Variants in MBTD1 observed in about 807,000 individuals in gnomAD.
MBTD1 encodes the protein mbt domain containing 1.
MBTD1 carries 24 observed loss-of-function variants against 87.8 expected under a neutral mutation model. The observed-to-expected ratio is 0.27, with a 90% CI of 0.20 to 0.38. MBTD1 has a LOEUF of 0.38. MBTD1 is among the 10% of genes least tolerant of loss of function. MBTD1 has a pLI of 1.00. For missense variants in MBTD1, 436 were observed against 760.2 expected, an observed-to-expected ratio of 0.57 and a Z score of 5.02; for synonymous variants, 237 against 248.6, an observed-to-expected ratio of 0.95 and a Z score of 0.44.
At chr17:51,248,758 G>C (rs2054600802) in intron 2 of MBTD1, among the ~76,000 whole-genome samples, 1 of 152,118 alleles carries the variant, frequency 6.6e-6, no homozygotes, top group Non-Finnish European at 1.5e-5. Flanking sequence ...TCTTCATCCA[G>C]ATTTTACTAT....
upstream of MBTD1, chr17:51,260,842 C>G (rs539338182): frequency 2.5e-6 from 4 of 1,599,772 alleles, no homozygotes; most frequent in African/African-American, 4.0e-5. Context: ...ACAAACCGGC[C>G]GTGGAGCGGT....
intron 12 of MBTD1, among the ~76,000 whole-genome samples, chr17:51,197,376 A>AG (rs1484534074): frequency 2.6e-5 from 4 of 151,556 alleles, no homozygotes; most frequent in African/African-American, 9.7e-5. Context: ...ATTCCTTCAT[A>AG]GTTTTACTTG....
chr17:51,247,493 C>T (rs2054516661), intron 2 of MBTD1, among the ~76,000 whole-genome samples: 1 of 148,664 alleles, frequency 6.7e-6, no homozygotes, highest in African/African-American at 2.5e-5. Flanking sequence ...ATCGTTCAGC[C>T]TGGAGTGCAG....
intron 10 of MBTD1, among the ~76,000 whole-genome samples, 181 bp from the exon 11 acceptor site, chr17:51,202,258 T>C (rs1055600253): frequency 1.3e-5 from 2 of 152,224 alleles, no homozygotes; most frequent in African/African-American, 2.4e-5. Flanking sequence ...TACATGTGCA[T>C]ATATGCTTTT....
intron 2 of MBTD1, among the ~76,000 whole-genome samples, chr17:51,258,520 AG>A (rs908692683): frequency 1.3e-5 from 2 of 151,196 alleles, no homozygotes; most frequent in Non-Finnish European, 2.9e-5. Context: ...AAAAAAAAGA[AG>A]GAGTAAAAGC....
chr17:51,213,437 C>T (rs1253751970), intron 6 of MBTD1, among the ~76,000 whole-genome samples: 1 of 151,894 alleles, frequency 6.6e-6, no homozygotes, highest in African/African-American at 2.4e-5. Context: ...TTTCTTTGAT[C>T]TATACATTGC....
At chr17:51,197,117 T>G (rs2051178904) in intron 12 of MBTD1, among the ~76,000 whole-genome samples, 1 of 61,012 alleles carries the variant, frequency 1.6e-5, no homozygotes, top group African/African-American at 7.6e-5. Flanking sequence ...TATATATATA[T>G]GGAGGACGGA....
rs547149891 is a variant in MBTD1 at position 51,190,348 on chromosome 17, C to T, written c.1768+1855G>A. On this transcript the variant is annotated intron_variant, in intron 16 of 16. Transcript: ENST00000586178. ...TTACCCAGGCTGGTCTAAAGCCATC[C>T]GCCTTGGCCTCCCAAAGTTGCTGGG... Among the ~76,000 whole-genome samples, 11 of 152,096 alleles carry T rather than the reference C, an allele frequency of 7.2e-5. No individual in the cohort carries two copies. The East Asian group carries it at 1.2e-3, about 16-fold the overall frequency.
intron 2 of MBTD1, among the ~76,000 whole-genome samples, chr17:51,235,238 C>T (rs1263457456): frequency 2.6e-5 from 4 of 152,044 alleles, no homozygotes. Flanking sequence ...TGGGTTCAAG[C>T]TATTCTCGTG....
chr17:51,220,256 A>T, intron 4 of MBTD1, 74 bp downstream of exon 4: 1 of 1,388,996 alleles, frequency 7.2e-7, no homozygotes, highest in Non-Finnish European at 9.7e-7. Flanking sequence ...ACAGTGAATC[A>T]CAGTCAAATG....
At chr17:51,221,640 A>G (rs1461445275) in intron 3 of MBTD1, among the ~76,000 whole-genome samples, 1 of 111,704 alleles carries the variant, frequency 9.0e-6, no homozygotes, top group East Asian at 2.7e-4. Context: ...ATATTTTGGG[A>G]AAAAAAAATT....
In MBTD1 at chr17:51,179,502, A is replaced by ATATATATT. The variant is rs2050216696; in HGVS notation, c.*1073_*1074insAATATATA. ...GACAATTTTATATATATATATATATATATATATATATATATATATATATAT... is the reference window on the plus strand; with the variant it reads ...GACAATTTTATATATATATATATATATATATATTTATATATATATATATATATATATAT... On this transcript the variant is annotated 3_prime_UTR_variant, in exon 17 of 17. Transcript: ENST00000586178. The ATATATATT allele has an allele frequency of 2.9e-5, 2 of 68,108 alleles. No individual in the cohort carries two copies. Among genetic ancestry groups the ATATATATT allele is most frequent in the South Asian group, 4.2e-4 (1 of 2,402 alleles). The allele number at this position is 68,108 out of a possible 1,614,324, so 4.2% of individuals were successfully genotyped here.
intron 12 of MBTD1, among the ~76,000 whole-genome samples, chr17:51,199,008 C>T (rs1252489183): frequency 6.6e-6 from 1 of 152,174 alleles, no homozygotes; most frequent in African/African-American, 2.4e-5. Flanking sequence ...GTTGGCCAGG[C>T]TGGTCTTGAA....
chr17:51,250,466 A>G (rs2054713036), intron 2 of MBTD1: 1 of 152,152 alleles, frequency 6.6e-6, no homozygotes, highest in South Asian at 2.1e-4. Flanking sequence ...GCATGTTCAA[A>G]CTGTTGTTCT....
chr17:51,216,066 G>A (rs2052553089), intron 6 of MBTD1, among the ~76,000 whole-genome samples: 1 of 151,494 alleles, frequency 6.6e-6, no homozygotes, highest in South Asian at 2.1e-4. Context: ...CGAGTAGCTG[G>A]GACTACAGGT....
chr17:51,226,937 C>G (rs552864168), intron 2 of MBTD1, among the ~76,000 whole-genome samples: 18 of 151,730 alleles, frequency 1.2e-4, no homozygotes, highest in African/African-American at 4.1e-4. Flanking sequence ...AGCCAACACA[C>G]AGACGTTTTT....
At chr17:51,251,309 A>T (rs1235194185) in intron 2 of MBTD1, 1 of 152,074 alleles carries the variant, frequency 6.6e-6, no homozygotes, top group Non-Finnish European at 1.5e-5. Flanking sequence ...TTTCCTGAAG[A>T]ATTTTTTCTT....
chr17:51,188,511 G>T (rs2050649017), intron 16 of MBTD1, among the ~76,000 whole-genome samples: 1 of 152,074 alleles, frequency 6.6e-6, no homozygotes, highest in Non-Finnish European at 1.5e-5. Flanking sequence ...AACCTACCAA[G>T]GCAAACGTAA....
At chr17:51,225,351 T>C in intron 2 of MBTD1, 142 bp from the exon 3 acceptor site, 5 of 439,546 alleles carry the variant, frequency 1.1e-5, no homozygotes, top group Non-Finnish European at 1.5e-5. Context: ...CTTTTTTTTT[T>C]CTTTTTTTAA....
Sources: gnomAD v4.1 joint callset for allele counts (sites outside exome capture counted in the v4.1 genomes callset) on GRCh38, gnomAD v4.1.1 for gene constraint, MANE v1.5 for transcripts, NCBI Gene and HGNC (gene_info 2026-07-23, HGNC 2026-07-21) for gene names.